The following SEH1L variants were observed in gnomAD, a reference collection of about 807,000 sequenced individuals.
SEH1L encodes the protein nucleoporin SEH1.
Under a neutral mutation model 49.5 loss-of-function variants are expected in SEH1L, and 18 were observed. The ratio of observed to expected loss-of-function variants is 0.36; its 90% confidence interval spans 0.25 to 0.54. The LOEUF is 0.54. Among genes scored for constraint, SEH1L ranks in the 20% least tolerant of loss-of-function variants. The pLI is 0.87. For synonymous variants in SEH1L, 169 were observed against 178.1 expected (o/e 0.95, Z 0.41); for missense variants, 404 against 528.8 (o/e 0.76, Z 2.31).
At chr18:12,979,022 T>C in intron 6 of SEH1L, 130 bp downstream of exon 6, 1 of 886,702 alleles carries the variant, frequency 1.1e-6, no homozygotes, top group Non-Finnish European at 1.7e-6. Context: ...CTTAAAAATG[T>C]AAACTTTGAA....
chr18:12,951,593 G>A (rs1407214993), intron 1 of SEH1L, among the ~76,000 whole-genome samples: 7 of 152,218 alleles, frequency 4.6e-5, no homozygotes, highest in African/African-American at 1.7e-4. Flanking sequence ...GTTTCACCAC[G>A]TTGTCTAGGC....
At chr18:12,949,877 A>G (rs1467706408) in intron 1 of SEH1L, among the ~76,000 whole-genome samples, 1 of 152,102 alleles carries the variant, frequency 6.6e-6, no homozygotes, top group Non-Finnish European at 1.5e-5. Flanking sequence ...TCTGTACCCA[A>G]GAGCACCCTG....
intron 4 of SEH1L, chr18:12,964,629 G>A (rs1363038288): frequency 1.5e-5 from 2 of 134,254 alleles, no homozygotes; most frequent in Non-Finnish European, 3.1e-5. Context: ...ATTTACTCCC[G>A]TCTCTTTTTT....
At chr18:12,972,303 T>A (rs1175696102) in intron 5 of SEH1L, 1 of 152,246 alleles carries the variant, frequency 6.6e-6, no homozygotes, top group African/African-American at 2.4e-5. Flanking sequence ...AGGTTCTGGC[T>A]TAAGAGTTCA....
rs554886753 is a variant in SEH1L, at chr18:12,981,850, A to ATTTTTTTTTTTTTT, written c.762-654_762-641dup. On this transcript the variant is annotated intron_variant, in intron 6 of 8. Coordinates refer to ENST00000399892, the MANE Select transcript of SEH1L (RefSeq NM_001013437.2). Reference sequence around the variant, plus strand: ...TTCTTTCCTACTTGCTGCCCTGCCCATTTTTTTTTTTTTTTTTTTTTTTTT... The same window carrying ATTTTTTTTTTTTTT: ...TTCTTTCCTACTTGCTGCCCTGCCCATTTTTTTTTTTTTTTTTTTTTTTTTTTTTTTTTTTTTTT... 3.7e-4 allele frequency among the ~76,000 whole-genome samples: 33 copies of ATTTTTTTTTTTTTT among 88,188 alleles called. 5 individuals are homozygous for ATTTTTTTTTTTTTT. Among genetic ancestry groups the ATTTTTTTTTTTTTT allele is most frequent in the African/African-American group, 1.9e-3 (33 of 17,574 alleles). The allele number at this position is 88,188 out of a possible 152,430, so 57.9% of individuals were successfully genotyped here. A position where few individuals can be genotyped will look rare whatever the true frequency, so the allele number is the denominator to read the frequency against.
At chr18:12,958,480 A>G (rs1360268746) in intron 3 of SEH1L, among the ~76,000 whole-genome samples, 1 of 152,160 alleles carries the variant, frequency 6.6e-6, no homozygotes, top group Non-Finnish European at 1.5e-5. Flanking sequence ...AAAACTGTTC[A>G]TCACTGCCAA....
At chr18:12,980,474 C>A (rs1421281580) in intron 6 of SEH1L, among the ~76,000 whole-genome samples, 1 of 55,480 alleles carries the variant, frequency 1.8e-5, no homozygotes, top group Non-Finnish European at 3.2e-5. Flanking sequence ...GGGGGCTGAT[C>A]CCCCAACCTC....
At chr18:12,959,212 G>A (rs964117799) in intron 3 of SEH1L, among the ~76,000 whole-genome samples, 1 of 152,082 alleles carries the variant, frequency 6.6e-6, no homozygotes, top group Non-Finnish European at 1.5e-5. Context: ...TGTTGTTATA[G>A]GAGTTCTTTA....
chr18:12,979,729 G>A (rs868240614), intron 6 of SEH1L, among the ~76,000 whole-genome samples: 1,804 of 121,376 alleles, frequency 0.015, 3 homozygotes, highest in African/African-American at 0.036. Context: ...CGGACGGGGC[G>A]GCTGGCCGGG....
rs568162720 is a variant in SEH1L, at chr18:12,954,501, C to T, written c.163-962C>T. 6.6e-5 allele frequency among the ~76,000 whole-genome samples: 10 copies of T among 152,286 alleles called. No homozygotes were observed. The South Asian group carries it at 2.1e-3, about 32-fold the overall frequency. On this transcript the variant is annotated intron_variant, in intron 2 of 8. Transcript: ENST00000399892. ...TTTTTTTTGGAGACAAGTTCTTGCT[C>T]TGTCACCCAGGCTGGAGTGCAGTGG...
intron 6 of SEH1L, among the ~76,000 whole-genome samples, chr18:12,980,827 C>A (rs1238851597): frequency 9.3e-6 from 1 of 107,014 alleles, no homozygotes; most frequent in African/African-American, 3.5e-5. Flanking sequence ...GGGGGCTGAC[C>A]CCCCCACTTC....
At chr18:12,983,280 T>A (rs2032343894) in intron 7 of SEH1L, 1 of 152,268 alleles carries the variant, frequency 6.6e-6, no homozygotes, top group African/African-American at 2.4e-5. Context: ...TACTTAGCAT[T>A]CAGAATTATA....
At chr18:12,968,612 T>G (rs1456365487) in intron 4 of SEH1L, among the ~76,000 whole-genome samples, 1 of 152,236 alleles carries the variant, frequency 6.6e-6, no homozygotes, top group Non-Finnish European at 1.5e-5. Flanking sequence ...GTATTTTCTT[T>G]CTCAGTCTGA....
In SEH1L at chr18:12,978,781, C is replaced by T. The variant is rs2032033347; in HGVS notation, c.650C>T (p.Thr217Ile). 1.2e-6 allele frequency: 2 copies of T among 1,613,140 alleles called. No homozygotes were observed. The highest frequency in any genetic ancestry group is 2.2e-5 in the East Asian group (1 of 44,870). Residue 217 changes from threonine (T) to isoleucine (I), a missense_variant, in exon 6 of 9, where the codon ACA (threonine) becomes ATA (isoleucine). Physicochemically the swap from Thr to Ile is moderately conservative, Grantham distance 89. Transcript: ENST00000399892. ...RKYAKAETLM[T>I]VTDPVHDIAF... Reference sequence around the variant, plus strand: ...TATGCAAAAGCTGAAACTCTTATGACAGTCACTGATCCTGTTCATGATATT... The same window carrying T: ...TATGCAAAAGCTGAAACTCTTATGATAGTCACTGATCCTGTTCATGATATT...
At chr18:12,980,472 A>AC (rs2032169695) in intron 6 of SEH1L, among the ~76,000 whole-genome samples, 1 of 38,152 alleles carries the variant, frequency 2.6e-5, no homozygotes, top group Non-Finnish European at 4.2e-5. Context: ...CGGGGGGCTG[A>AC]TCCCCCAACC....
intron 4 of SEH1L, among the ~76,000 whole-genome samples, chr18:12,970,860 A>C (rs1471344014): frequency 6.6e-6 from 1 of 152,230 alleles, no homozygotes; most frequent in Non-Finnish European, 1.5e-5. Context: ...TATCTTTTAA[A>C]AATATGTTGA....
chr18:12,964,004 C>G (rs1043856099), intron 4 of SEH1L, among the ~76,000 whole-genome samples: 2 of 152,234 alleles, frequency 1.3e-5, no homozygotes, highest in African/African-American at 2.4e-5. Flanking sequence ...TGAGCTGCTG[C>G]ACCCAGCCAG....
chr18:12,980,417 G>A (rs2032162860), intron 6 of SEH1L, among the ~76,000 whole-genome samples: 1 of 99,102 alleles, frequency 1.0e-5, no homozygotes, highest in South Asian at 4.6e-4. Context: ...GCCGGGCGGG[G>A]GGCTGACCCC....
intron 4 of SEH1L, among the ~76,000 whole-genome samples, chr18:12,970,892 G>A (rs1243146072): frequency 6.6e-6 from 1 of 152,150 alleles, no homozygotes; most frequent in African/African-American, 2.4e-5. Context: ...CTTTTTTCAG[G>A]CAAAGAGCTC....
Sources: gnomAD v4.1 joint callset for allele counts (sites outside exome capture counted in the v4.1 genomes callset) on GRCh38, gnomAD v4.1.1 for gene constraint, MANE v1.5 for transcripts, NCBI Gene and HGNC (gene_info 2026-07-23, HGNC 2026-07-21) for gene names.